Variants in MYOCOS observed in about 807,000 individuals in gnomAD.
MYOCOS encodes myocilin opposite strand, also known as myocilin opposite strand protein.
chr1:171,620,779 T>TTC (rs1441749632), upstream of MYOCOS, among the ~76,000 whole-genome samples: 3 of 148,424 alleles, frequency 2.0e-5, no homozygotes, highest in Non-Finnish European at 4.5e-5. Flanking sequence ...CTTTCTTTTT[T>TTC]TTTTTTTTTT....
At chr1:171,610,729 A>G (rs1311922811) in intron 1 of MYOCOS, among the ~76,000 whole-genome samples, 1 of 152,242 alleles carries the variant, frequency 6.6e-6, no homozygotes. Flanking sequence ...TTTCCAATGC[A>G]TGAATTCTGT....
At chr1:171,612,691 G>A (rs112002573) in intron 1 of MYOCOS, among the ~76,000 whole-genome samples, 3,949 of 152,036 alleles carry the variant, frequency 0.026, 182 homozygotes, top group African/African-American at 0.091. Context: ...TTAGCCGGCC[G>A]TGGTGGCGCA....
At chr1:171,617,021 G>A (rs1652463137) in intron 2 of MYOCOS, among the ~76,000 whole-genome samples, 1 of 152,202 alleles carries the variant, frequency 6.6e-6, no homozygotes, top group South Asian at 2.1e-4. Flanking sequence ...ACAGCAGGAA[G>A]CCAGGGCACA....
intron 1 of MYOCOS, among the ~76,000 whole-genome samples, chr1:171,608,074 G>A (rs1171191416): frequency 6.6e-6 from 1 of 152,190 alleles, no homozygotes; most frequent in Admixed American, 6.5e-5. Context: ...GCAGTATGGG[G>A]GAAACTGCCC....
upstream of MYOCOS, among the ~76,000 whole-genome samples, chr1:171,619,820 G>T (rs1652520220): frequency 7.0e-6 from 1 of 143,578 alleles, no homozygotes. Flanking sequence ...AACAGAGCAA[G>T]ACTCCATCTC....
chr1:171,602,706 A>C (rs1296350540), intron 1 of MYOCOS, among the ~76,000 whole-genome samples: 3 of 152,204 alleles, frequency 2.0e-5, no homozygotes, highest in Non-Finnish European at 4.4e-5. Context: ...CCTAATATAA[A>C]AGTAAAATTT....
chr1:171,603,700 C>G (rs1309960314), intron 1 of MYOCOS, among the ~76,000 whole-genome samples: 1 of 152,208 alleles, frequency 6.6e-6, no homozygotes, highest in East Asian at 1.9e-4. Flanking sequence ...CTCTATGTGT[C>G]AAAAAGAGAA....
chr1:171,603,623 G>A (rs532495855), intron 1 of MYOCOS, among the ~76,000 whole-genome samples: 3 of 152,318 alleles, frequency 2.0e-5, no homozygotes, highest in Non-Finnish European at 2.9e-5. Context: ...AGCTTTTCAT[G>A]AGTTAAAAAG....
upstream of MYOCOS, among the ~76,000 whole-genome samples, chr1:171,620,027 C>A (rs566770834): frequency 6.7e-6 from 1 of 148,806 alleles, no homozygotes; most frequent in Non-Finnish European, 1.5e-5. Context: ...CCTGTGGGAC[C>A]TTGTGATCAT....
At chr1:171,624,435 A>AATTATTATTATTATTATTATTATTATT (rs72026900) in intron 2 of MYOCOS, among the ~76,000 whole-genome samples, 7 of 147,118 alleles carry the variant, frequency 4.8e-5, no homozygotes, top group African/African-American at 1.8e-4. Flanking sequence ...ACGTCTGGTT[A>AATTATTATTATTATTATTATTATTATT]ATTATTATTA....
At chr1:171,624,523 G>A (rs1007713470) in intron 2 of MYOCOS, among the ~76,000 whole-genome samples, 7 of 151,798 alleles carry the variant, frequency 4.6e-5, no homozygotes, top group Non-Finnish European at 7.4e-5. Context: ...TGCAAGCTCC[G>A]CCTCCCGGGT....
At position 171,626,466 on chromosome 1, in the gene MYOCOS, T is replaced by C. The variant is rs1197669555; in HGVS notation, c.108T>C (p.Ile36=). ...RVTMITRKEI[I]TQKSDEAKEM... Reference sequence around the variant, plus strand: ...CCTTTCTTCCTAGAAAAGAGATAATTACCCAGAAAAGTGATGAAGCTAAGG... The same window carrying C: ...CCTTTCTTCCTAGAAAAGAGATAATCACCCAGAAAAGTGATGAAGCTAAGG... The change falls in exon 3 of 3, where the codon ATT becomes ATC. Residue 36 remains isoleucine, a synonymous_variant. Coordinates refer to ENST00000637642, the MANE Select transcript of MYOCOS (RefSeq NM_001391940.1). 2 of 398,632 alleles carry C rather than the reference T, an allele frequency of 5.0e-6. No individual in the cohort carries two copies. Among genetic ancestry groups the C allele is most frequent in the Non-Finnish European group, 8.8e-6 (2 of 226,074 alleles). 24.7% of individuals were successfully genotyped at this position (398,632 alleles called of 1,614,324 possible). A position where few individuals can be genotyped will look rare whatever the true frequency, so the allele number is the denominator to read the frequency against.
At chr1:171,618,767 G>A (rs998422764), upstream of MYOCOS, among the ~76,000 whole-genome samples, 3 of 152,098 alleles carry the variant, frequency 2.0e-5, no homozygotes, top group African/African-American at 7.2e-5. Flanking sequence ...GTAGAGACGG[G>A]GTTTCACCAT....
At chr1:171,617,326 G>T (rs1185772808), upstream of MYOCOS, among the ~76,000 whole-genome samples, 3 of 152,100 alleles carry the variant, frequency 2.0e-5, no homozygotes, top group African/African-American at 7.2e-5. Flanking sequence ...ACGCGATTAA[G>T]TGATGAGACT....
At chr1:171,605,396 A>G (rs7553131) in intron 1 of MYOCOS, among the ~76,000 whole-genome samples, 1 of 120,822 alleles carries the variant, frequency 8.3e-6, no homozygotes, top group Non-Finnish European at 1.7e-5. Context: ...CACACACACA[A>G]AAAAAAAAAA....
At position 171,624,605 on chromosome 1, in the gene MYOCOS, A is replaced by ATTTT. The variant is rs146875764; in HGVS notation, c.95+628_95+631dup. Reference sequence around the variant, plus strand: ...GCGCCCGCCACGACGCCCGGCTAATATTTTGTGTGTGTGTGTGTTTTTTTT... The same window carrying ATTTT: ...GCGCCCGCCACGACGCCCGGCTAATATTTTTTTTGTGTGTGTGTGTGTTTTTTTT... On this transcript the variant is annotated intron_variant, in intron 2 of 2. Coordinates refer to ENST00000637642, the MANE Select transcript of MYOCOS (RefSeq NM_001391940.1). Among the ~76,000 whole-genome samples, 523 of 147,754 alleles carry ATTTT rather than the reference A, an allele frequency of 3.5e-3. 1 individual carries two copies. Among genetic ancestry groups the ATTTT allele is most frequent in the Non-Finnish European group, 3.9e-3 (257 of 66,740 alleles).
chr1:171,622,968 C>T (rs1558082628), intron 1 of MYOCOS, among the ~76,000 whole-genome samples: 1 of 152,174 alleles, frequency 6.6e-6, no homozygotes, highest in Non-Finnish European at 1.5e-5. Context: ...GTGGCTCATG[C>T]CTGCAATCCC....
chr1:171,620,704 T>TC (rs1405775900), upstream of MYOCOS, among the ~76,000 whole-genome samples: 9 of 151,498 alleles, frequency 5.9e-5, no homozygotes, highest in African/African-American at 1.9e-4. Flanking sequence ...GCCTGGAAGC[T>TC]CCCCCTCCAC....
chr1:171,625,350 G>C (rs1039047757), intron 2 of MYOCOS, among the ~76,000 whole-genome samples: 1 of 152,328 alleles, frequency 6.6e-6, no homozygotes, highest in East Asian at 1.9e-4. Context: ...GATGGGAGCA[G>C]TGAACTTGTG....
Sources: allele counts gnomAD v4.1 joint callset (sites outside exome capture counted in the v4.1 genomes callset), GRCh38; gene constraint gnomAD v4.1.1; transcripts MANE v1.5; gene names NCBI Gene and HGNC (gene_info 2026-07-23, HGNC 2026-07-21).